Variants in EPRS1 observed in about 807,000 individuals in gnomAD.
EPRS1 encodes the protein bifunctional glutamate/proline--tRNA ligase.
A neutral mutation model predicts 188.3 loss-of-function variants in EPRS1; 107 were observed. The observed-to-expected ratio is 0.57, with a 90% CI of 0.49 to 0.67. The LOEUF is 0.67. Among genes scored for constraint, EPRS1 ranks in the 30% least tolerant of loss-of-function variants. EPRS1 has a pLI of 0.00. For missense variants in EPRS1, 1,577 were observed against 1,802.2 expected, an observed-to-expected ratio of 0.88 and a Z score of 2.26; for synonymous variants, 596 against 593.1, an observed-to-expected ratio of 1.00 and a Z score of -0.07.
At chr1:220,008,653 G>A (rs969281315) in intron 13 of EPRS1, among the ~76,000 whole-genome samples, 4 of 152,128 alleles carry the variant, frequency 2.6e-5, no homozygotes, top group Non-Finnish European at 4.4e-5. Context: ...TTAACAATTA[G>A]TTCTTATTTT....
intron 12 of EPRS1, 134 bp from the exon 13 acceptor site, chr1:220,011,190 T>C: frequency 1.8e-6 from 1 of 544,506 alleles, no homozygotes; most frequent in South Asian, 2.5e-5. Context: ...AACTGTTAAC[T>C]CTTTTCTGAT....
chr1:219,984,655 T>C (rs1276296379), intron 20 of EPRS1, among the ~76,000 whole-genome samples: 1 of 152,168 alleles, frequency 6.6e-6, no homozygotes, highest in Non-Finnish European at 1.5e-5. Flanking sequence ...ACTCCTGGCC[T>C]CATGCAATCC....
At chr1:219,988,388 G>A (rs1018390043) in intron 19 of EPRS1, among the ~76,000 whole-genome samples, 5 of 151,724 alleles carry the variant, frequency 3.3e-5, no homozygotes, top group Non-Finnish European at 5.9e-5. Context: ...AGTGATGGGC[G>A]GTGTCATATG....
rs777738722 is a variant in EPRS1, at chr1:219,982,815, G to C, written c.3330C>G (p.Thr1110=). 11 of 1,613,938 alleles carry C rather than the reference G, an allele frequency of 6.8e-6. No individual in the cohort carries two copies. The highest frequency in any genetic ancestry group is 8.5e-6 in the Non-Finnish European group (10 of 1,179,918). The change falls in exon 23 of 32, where the codon ACC becomes ACG. Residue 1110 remains threonine, a synonymous_variant. Coordinates refer to ENST00000366923, the MANE Select transcript of EPRS1 (RefSeq NM_004446.3). ...GAATGGCAATTGGTTCTGCCAGCTC[G>C]GTTTTGCCAGATCTTGTAACCCAAG... ...EVAWVTRSGK[T]ELAEPIAIRP... is the part of the protein sequence containing the mutation.
intron 5 of EPRS1, among the ~76,000 whole-genome samples, chr1:220,031,328 TTG>T (rs886096620): frequency 6.6e-6 from 1 of 152,142 alleles, no homozygotes. Context: ...GACCGTGGAT[TTG>T]TGTTTTCTAA....
chr1:219,970,037 G>T (rs992492982), intron 30 of EPRS1, among the ~76,000 whole-genome samples: 18 of 152,250 alleles, frequency 1.2e-4, no homozygotes, highest in African/African-American at 3.6e-4. Flanking sequence ...GGCCAGGCTG[G>T]TCTCAAACTC....
At chr1:220,008,357 G>A (rs895771540) in intron 13 of EPRS1, among the ~76,000 whole-genome samples, 1 of 151,614 alleles carries the variant, frequency 6.6e-6, no homozygotes, top group African/African-American at 2.4e-5. Flanking sequence ...AAGAGATGCG[G>A]AGAATAAAAA....
rs187821385 is a variant in EPRS1, at chr1:219,992,335, C to T, written c.2542-3512G>A. Among the ~76,000 whole-genome samples, 73 of 152,264 alleles carry T rather than the reference C, an allele frequency of 4.8e-4. 2 individuals are homozygous for T. The East Asian group carries it at 9.8e-3, about 21-fold the overall frequency. On this transcript the variant is annotated intron_variant, in intron 18 of 31. Transcript: ENST00000366923. ...CAGAAGCAAATGGTGATTCAACTCC[C>T]CTCCACATAGACTGGGTATGGCATA...
chr1:219,986,533 A>T (rs1661009232), intron 20 of EPRS1, among the ~76,000 whole-genome samples: 1 of 152,186 alleles, frequency 6.6e-6, no homozygotes, highest in African/African-American at 2.4e-5. Flanking sequence ...GTTGACTGAC[A>T]CATCATTATG....
intron 2 of EPRS1, among the ~76,000 whole-genome samples, chr1:220,038,163 A>G (rs556433316): frequency 3.8e-4 from 57 of 150,540 alleles, no homozygotes; most frequent in African/African-American, 1.2e-3. Flanking sequence ...GCTCACTGCA[A>G]CCTCCACCTC....
At chr1:219,975,421 C>T (rs1660757628) in intron 28 of EPRS1, among the ~76,000 whole-genome samples, 1 of 152,160 alleles carries the variant, frequency 6.6e-6, no homozygotes, top group African/African-American at 2.4e-5. Flanking sequence ...TAGAATGCAT[C>T]CTGCGGTGGT....
intron 6 of EPRS1, 98 bp from the exon 7 acceptor site, chr1:220,025,356 T>C: frequency 1.3e-6 from 1 of 796,504 alleles, no homozygotes; most frequent in Non-Finnish European, 1.8e-6. Context: ...ACAAAAGTCC[T>C]TCTAATTGGT....
intron 28 of EPRS1, among the ~76,000 whole-genome samples, chr1:219,977,030 A>G (rs1000906012): frequency 2.0e-5 from 3 of 152,138 alleles, no homozygotes; most frequent in Non-Finnish European, 4.4e-5. Flanking sequence ...TCACAATCAA[A>G]CAATATTATA....
intron 18 of EPRS1, among the ~76,000 whole-genome samples, chr1:219,991,568 A>C (rs972426290): frequency 2.6e-5 from 4 of 152,160 alleles, no homozygotes; most frequent in African/African-American, 9.7e-5. Flanking sequence ...GTCTGCTAGG[A>C]GACTAAGTAA....
rs190446308 is a variant in EPRS1, at chr1:219,999,645, T to C, written c.2181+1493A>G. Reference sequence around the variant, plus strand: ...CACCTGAGCTCCCAGCCAACACCAATATCAACTTGGCATCCAGGTGAGGAA... The same window carrying C: ...CACCTGAGCTCCCAGCCAACACCAACATCAACTTGGCATCCAGGTGAGGAA... On this transcript the variant is annotated intron_variant, in intron 17 of 31. Transcript: ENST00000366923. Among the ~76,000 whole-genome samples, 108 of 152,134 alleles carry C rather than the reference T, an allele frequency of 7.1e-4. No homozygotes were observed. In the South Asian group the frequency reaches 0.015, roughly 21 times the overall value.
intron 2 of EPRS1, among the ~76,000 whole-genome samples, chr1:220,039,506 A>G (rs1662252831): frequency 7.0e-6 from 1 of 143,680 alleles, no homozygotes; most frequent in Non-Finnish European, 1.5e-5. Flanking sequence ...ACAAGCATAC[A>G]ACATTTAATG....
At chr1:220,029,247 G>A (rs990227788) in intron 6 of EPRS1, among the ~76,000 whole-genome samples, 1 of 151,980 alleles carries the variant, frequency 6.6e-6, no homozygotes, top group Non-Finnish European at 1.5e-5. Flanking sequence ...TGTAAGGTAA[G>A]TATTATTTAT....
chr1:220,032,355 T>C, intron 5 of EPRS1, 32 bp downstream of exon 5: 2 of 1,564,306 alleles, frequency 1.3e-6, no homozygotes, highest in African/African-American at 1.4e-5. Flanking sequence ...CAAAGTGTTT[T>C]TTTTTTTAAA....
chr1:219,987,887 C>T (rs1661035700), intron 19 of EPRS1, among the ~76,000 whole-genome samples: 1 of 152,182 alleles, frequency 6.6e-6, no homozygotes, highest in Non-Finnish European at 1.5e-5. Context: ...TCAATAGCCA[C>T]ATGTGGCTAA....
Sources: gnomAD v4.1 joint callset for allele counts (sites outside exome capture counted in the v4.1 genomes callset) on GRCh38, gnomAD v4.1.1 for gene constraint, MANE v1.5 for transcripts, NCBI Gene and HGNC (gene_info 2026-07-23, HGNC 2026-07-21) for gene names.